The following CDK8 variants were observed in gnomAD, a reference collection of about 807,000 sequenced individuals.
CDK8 encodes the protein cyclin dependent kinase 8, also known as cyclin-dependent kinase 8.
CDK8 carries 29 observed loss-of-function variants against 71.5 expected under a neutral mutation model. That is an observed-to-expected ratio of 0.41 (90% CI 0.30 to 0.55). The LOEUF (loss-of-function observed/expected upper bound fraction) is 0.55, where lower values mean the gene tolerates loss of function less well. Among genes scored for constraint, CDK8 ranks in the 20% least tolerant of loss-of-function variants. The pLI is 0.37. For synonymous variants in CDK8, 161 were observed against 192.1 expected, an observed-to-expected ratio of 0.84 and a Z score of 1.34; for missense variants, 288 against 572.6, an observed-to-expected ratio of 0.50 and a Z score of 5.07.
At chr13:26,299,715 A>G (rs1316845506) in intron 1 of CDK8, among the ~76,000 whole-genome samples, 1 of 152,200 alleles carries the variant, frequency 6.6e-6, no homozygotes, top group Non-Finnish European at 1.5e-5. Context: ...ATCTGAAGAC[A>G]TGACCCATCA....
At chr13:26,388,723 T>TAACCTTTTAC (rs1408494631) in intron 6 of CDK8, among the ~76,000 whole-genome samples, 2 of 152,232 alleles carry the variant, frequency 1.3e-5, no homozygotes, top group Non-Finnish European at 2.9e-5. Context: ...CACTAGGATA[T>TAACCTTTTAC]TCTACAGTCT....
chr13:26,384,520 AACTACACT>A (rs1875382394), intron 5 of CDK8, among the ~76,000 whole-genome samples: 2 of 152,218 alleles, frequency 1.3e-5, no homozygotes, highest in Admixed American at 1.3e-4. Context: ...ATGCCCGAAT[AACTACACT>A]ACATGTTAAA....
chr13:26,359,825 C>G, intron 4 of CDK8: 2 of 268,086 alleles, frequency 7.5e-6, no homozygotes, highest in Non-Finnish European at 1.6e-5. Context: ...AAGTGATTCT[C>G]CTGCCTTAGC....
chr13:26,265,238 A>G (rs17083529), intron 1 of CDK8, among the ~76,000 whole-genome samples: 8,805 of 152,258 alleles, frequency 0.058, 851 homozygotes, highest in African/African-American at 0.2. Context: ...GTGATTCAGC[A>G]GTGAACAGCC....
chr13:26,368,354 C>T (rs1298649673), intron 4 of CDK8, among the ~76,000 whole-genome samples: 1 of 152,214 alleles, frequency 6.6e-6, no homozygotes, highest in Non-Finnish European at 1.5e-5. Context: ...CACATCGTGT[C>T]ATTCCCCTAT....
chr13:26,365,323 A>G (rs1874336104), intron 4 of CDK8, among the ~76,000 whole-genome samples: 2 of 152,168 alleles, frequency 1.3e-5, no homozygotes, highest in Admixed American at 1.3e-4. Flanking sequence ...TAAACTGATT[A>G]TAAACAACCC....
chr13:26,264,411 A>G (rs1013558957), intron 1 of CDK8, among the ~76,000 whole-genome samples: 1 of 152,070 alleles, frequency 6.6e-6, no homozygotes, highest in Admixed American at 6.6e-5. Context: ...TTAGCCTCCC[A>G]AGTGGGTGGG....
chr13:26,384,417 T>A (rs1875375968), intron 5 of CDK8, among the ~76,000 whole-genome samples: 1 of 152,206 alleles, frequency 6.6e-6, no homozygotes, highest in Non-Finnish European at 1.5e-5. Flanking sequence ...AAGCTATGTG[T>A]AATGACAACT....
intron 1 of CDK8, among the ~76,000 whole-genome samples, chr13:26,280,285 C>T (rs763491791): frequency 1.1e-4 from 17 of 152,138 alleles, no homozygotes; most frequent in Admixed American, 2.0e-4. Context: ...TGAAATAGCA[C>T]GAAAAGTAAC....
chr13:26,280,518 C>T (rs544511232), intron 1 of CDK8, among the ~76,000 whole-genome samples: 1 of 152,262 alleles, frequency 6.6e-6, no homozygotes, highest in East Asian at 1.9e-4. Flanking sequence ...CCAGTGATAC[C>T]ACAGTGATAT....
intron 1 of CDK8, among the ~76,000 whole-genome samples, chr13:26,272,626 A>AT (rs555870800): frequency 2.9e-3 from 435 of 152,372 alleles, no homozygotes; most frequent in African/African-American, 0.01. Flanking sequence ...ACTCTTAATG[A>AT]TAAAAACCAT....
chr13:26,346,922 T>C (rs1200296132), intron 2 of CDK8, among the ~76,000 whole-genome samples: 1 of 152,220 alleles, frequency 6.6e-6, no homozygotes, highest in Admixed American at 6.5e-5. Flanking sequence ...TTTGTGGCAG[T>C]GTTCTTACAA....
intron 4 of CDK8, among the ~76,000 whole-genome samples, chr13:26,363,323 A>G (rs1419933163): frequency 1.2e-4 from 17 of 146,484 alleles, no homozygotes; most frequent in South Asian, 2.2e-4. Flanking sequence ...GCAAGACTCC[A>G]TCTCAAAAAA....
Position 26,401,968 on chromosome 13 carries a change from C to T in CDK8, c.1269+344C>T, listed in dbSNP as rs1440066445. Among the ~76,000 whole-genome samples, 3 of 152,176 alleles carry T rather than the reference C, an allele frequency of 2.0e-5. No individual in the cohort carries two copies. The highest frequency in any genetic ancestry group is 6.5e-5 in the Admixed American group (1 of 15,286). ...AGATTAGACATGAAGTGGCTTGACA[C>T]CTAGCTTATGGTAGGAGCTTGATAG... On this transcript the variant is annotated intron_variant, in intron 12 of 12. Coordinates refer to ENST00000381527, the MANE Select transcript of CDK8 (RefSeq NM_001260.3). The surrounding 1 kb of genome is among the most constrained non-coding windows in gnomAD (Gnocchi z 4.5).
intron 1 of CDK8, among the ~76,000 whole-genome samples, chr13:26,260,173 CTTGTTTTCCCT>C (rs1186100425): frequency 6.6e-6 from 1 of 152,080 alleles, no homozygotes; most frequent in Admixed American, 6.6e-5. Flanking sequence ...TTCTTTTCCC[CTTGTTTTCCCT>C]GGCCAGCATT....
chr13:26,254,349 A>G lies in CDK8; in HGVS notation c.-293A>G, dbSNP rs931826980. On this transcript the variant is annotated 5_prime_UTR_variant, in exon 1 of 13. Coordinates refer to ENST00000381527, the MANE Select transcript of CDK8 (RefSeq NM_001260.3). The surrounding 1 kb of genome is among the most constrained non-coding windows in gnomAD (Gnocchi z 6.7). ...CGGCGCCCAGGGAGCCCGCGGGGAC[A>G]AGGGCAGAGACACCGCTCCCCACCC... 7.3e-6 allele frequency: 2 copies of G among 275,824 alleles called. No homozygotes were observed. The highest frequency in any genetic ancestry group is 1.4e-5 in the Non-Finnish European group (2 of 143,888). 17.1% of individuals were successfully genotyped at this position (275,824 alleles called of 1,614,324 possible). A position where few individuals can be genotyped will look rare whatever the true frequency, so the allele number is the denominator to read the frequency against.
At chr13:26,348,957 G>A in intron 2 of CDK8, 115 bp from the exon 3 acceptor site, 2 of 720,232 alleles carry the variant, frequency 2.8e-6, no homozygotes, top group Non-Finnish European at 5.0e-6. Context: ...GTGCTTATTA[G>A]ATGTTTAAGA....
chr13:26,334,456 TA>T (rs1448306786), intron 1 of CDK8, among the ~76,000 whole-genome samples: 1 of 152,186 alleles, frequency 6.6e-6, no homozygotes, highest in African/African-American at 2.4e-5. Flanking sequence ...TTTATGTCCT[TA>T]ACTTCGTCTT....
rs573265514 is a variant in CDK8 at position 26,292,888 on chromosome 13, T to C, written c.128+38119T>C. On this transcript the variant is annotated intron_variant, in intron 1 of 12. Coordinates refer to ENST00000381527, the MANE Select transcript of CDK8 (RefSeq NM_001260.3). ...CTTCTAGAAAGCTTAAGAACTCTTA[T>C]GTTTCTTCACTTTAAATTTCCATTT... is the stretch of plus-strand genomic sequence containing the variant. Among the ~76,000 whole-genome samples the C allele has an allele frequency of 3.2e-4, 48 of 152,358 alleles. No individual in the cohort carries two copies. In the South Asian group the frequency reaches 3.9e-3, roughly 12 times the overall value.
Sources: allele counts gnomAD v4.1 joint callset (sites outside exome capture counted in the v4.1 genomes callset), GRCh38; gene constraint gnomAD v4.1.1; non-coding constraint Gnocchi (gnomAD v3.1); transcripts MANE v1.5; gene names NCBI Gene and HGNC (gene_info 2026-07-23, HGNC 2026-07-21).